The following TSPEAR variants were observed in gnomAD, a reference collection of about 807,000 sequenced individuals.
The protein encoded by TSPEAR is thrombospondin type laminin G domain and EAR repeats.
In TSPEAR, 69 loss-of-function variants were observed where a neutral mutation model predicts 71.6. The ratio of observed to expected loss-of-function variants is 0.96; its 90% confidence interval spans 0.79 to 1.18. The LOEUF (loss-of-function observed/expected upper bound fraction) is 1.18. TSPEAR is among the 50% of genes most tolerant of loss of function. The pLI is 0.00. For missense variants in TSPEAR, 971 were observed against 894.9 expected (o/e 1.09, Z -1.09); for synonymous variants, 402 against 387.2 (o/e 1.04, Z -0.45).
intron 1 of TSPEAR, chr21:44,574,561 A>C: frequency 6.2e-7 from 1 of 1,601,964 alleles, no homozygotes; most frequent in Non-Finnish European, 8.5e-7. Flanking sequence ...CCCTGCCAGC[A>C]GGCTTGCTGT....
intron 1 of TSPEAR, among the ~76,000 whole-genome samples, chr21:44,583,828 A>G (rs1392508799): frequency 6.6e-6 from 1 of 152,196 alleles, no homozygotes; most frequent in Non-Finnish European, 1.5e-5. Flanking sequence ...GCTAATTAAT[A>G]TGTCCATCAC....
intron 1 of TSPEAR, chr21:44,686,257 T>C (rs1986850558): frequency 6.6e-6 from 1 of 152,312 alleles, no homozygotes. Flanking sequence ...GTTCCTGAAC[T>C]GAGTAACCTC....
chr21:44,533,854 G>C lies in TSPEAR; in HGVS notation c.373C>G (p.Pro125Ala), dbSNP rs1343347674. The change falls in exon 3 of 12, where the codon CCT becomes GCT. Residue 125 changes from proline (P) to alanine (A), a missense_variant. By Grantham distance (27) the Pro-to-Ala change is conservative. Coordinates refer to ENST00000323084, the MANE Select transcript of TSPEAR (RefSeq NM_144991.3). Reference protein sequence around the residue: ...DLLLLGLRLSPAQLHFLFLRE... With the variant: ...DLLLLGLRLSAAQLHFLFLRE... The stretch of plus-strand genomic sequence containing the variant: ...AGGAACAGGAAGTGCAGCTGGGCAG[G>C]TGACAACCGCAGGCCGAGCAGCAGC... 3 of 1,612,548 alleles carry C rather than the reference G, an allele frequency of 1.9e-6. No homozygotes were observed. The highest frequency in any genetic ancestry group is 2.5e-6 in the Non-Finnish European group (3 of 1,179,930).
intron 1 of TSPEAR, among the ~76,000 whole-genome samples, chr21:44,704,825 G>A (rs1987832337): frequency 1.0e-5 from 1 of 95,840 alleles, no homozygotes; most frequent in Non-Finnish European, 2.7e-5. Context: ...CCAGTGTCAC[G>A]TCACGGCCCC....
intron 1 of TSPEAR, among the ~76,000 whole-genome samples, chr21:44,585,640 G>A (rs938599864): frequency 6.6e-6 from 1 of 152,032 alleles, no homozygotes; most frequent in South Asian, 2.1e-4. Context: ...TCTGCCTCAG[G>A]GTCTGTTATG....
intron 1 of TSPEAR, chr21:44,627,621 C>T (rs782017394): frequency 6.2e-7 from 1 of 1,613,310 alleles, no homozygotes; most frequent in African/African-American, 1.3e-5. Flanking sequence ...AACCTGTGTG[C>T]TGTGCGCCCA....
intron 1 of TSPEAR, among the ~76,000 whole-genome samples, chr21:44,640,922 G>A (rs186410292): frequency 2.4e-4 from 36 of 152,264 alleles, no homozygotes; most frequent in African/African-American, 8.4e-4. Context: ...ACCAGGAAGG[G>A]TGGGGTTGGC....
At chr21:44,600,542 T>C in intron 1 of TSPEAR, 2 of 1,502,130 alleles carry the variant, frequency 1.3e-6, no homozygotes, top group Non-Finnish European at 1.8e-6. Context: ...CCAACATCCC[T>C]GAGCACCTAA....
rs1327449469 is a variant in TSPEAR at position 44,539,072 on chromosome 21, G to A, written c.304-5149C>T. ...GTGACCCAGAGCAGAGAAGCTGGGA[G>A]GGAGGACAGGGGACCTAGCAGGCAG... On this transcript the variant is annotated intron_variant, in intron 2 of 11. Coordinates refer to ENST00000323084, the MANE Select transcript of TSPEAR (RefSeq NM_144991.3). 4.4e-6 allele frequency: 3 copies of A among 678,410 alleles called. No individual in the cohort carries two copies. The African/African-American group carries it at 5.4e-5, about 12-fold the overall frequency. 42.0% of individuals were successfully genotyped at this position (678,410 alleles called of 1,614,324 possible).
At position 44,623,616 on chromosome 21, in the gene TSPEAR, G is replaced by A. The variant is rs1357042314; in HGVS notation, c.83-55611C>T. ...TTTCTGTAGTGCAGATCCTACTGGTGACACAACCTCTCAGCATCCAGAGAA... is the reference window on the plus strand; with the variant it reads ...TTTCTGTAGTGCAGATCCTACTGGTAACACAACCTCTCAGCATCCAGAGAA... On this transcript the variant is annotated intron_variant, in intron 1 of 11. Coordinates refer to ENST00000323084, the MANE Select transcript of TSPEAR (RefSeq NM_144991.3). The surrounding 1 kb of genome is among the most constrained non-coding windows in gnomAD (Gnocchi z 4.5). 6.6e-6 allele frequency among the ~76,000 whole-genome samples: 1 copy of A among 152,158 alleles called. No homozygotes were observed. Among genetic ancestry groups the A allele is most frequent in the Non-Finnish European group, 1.5e-5 (1 of 68,034 alleles).
intron 1 of TSPEAR, among the ~76,000 whole-genome samples, chr21:44,610,655 G>A (rs1267340418): frequency 6.6e-6 from 1 of 152,182 alleles, no homozygotes; most frequent in Non-Finnish European, 1.5e-5. Context: ...GTGGAGCTGT[G>A]ATAAGAGGGC....
intron 1 of TSPEAR, among the ~76,000 whole-genome samples, chr21:44,708,949 G>A (rs1313830723): frequency 1.3e-5 from 2 of 152,244 alleles, no homozygotes; most frequent in African/African-American, 2.4e-5. Context: ...GGAGAGCCAG[G>A]TAGCTCAGGG....
chr21:44,706,781 C>G (rs1482474888), intron 1 of TSPEAR, among the ~76,000 whole-genome samples: 3 of 152,208 alleles, frequency 2.0e-5, no homozygotes, highest in African/African-American at 7.2e-5. Context: ...AGCTTCTCTT[C>G]TGTTTTTCTT....
chr21:44,511,340 C>T (rs1284650262), intron 9 of TSPEAR, among the ~76,000 whole-genome samples: 3 of 152,116 alleles, frequency 2.0e-5, no homozygotes, highest in Non-Finnish European at 4.4e-5. Flanking sequence ...CATACACACA[C>T]AAACATGCAT....
At chr21:44,660,942 G>C (rs955270481) in intron 1 of TSPEAR, among the ~76,000 whole-genome samples, 10 of 151,766 alleles carry the variant, frequency 6.6e-5, no homozygotes, top group Non-Finnish European at 1.3e-4. Flanking sequence ...ACTCTGTCCT[G>C]GGAACAAAAA....
chr21:44,529,877 C>G lies in TSPEAR; in HGVS notation c.711G>C (p.Leu237=), dbSNP rs139932849. ...PRLCPSRNAP[L]AVLSIPRVLQ... ...GGACCCGTGGGATGGACAGCACCGC[C>G]AGCGGGGCGTTCCTGCTGGGACACA... The change falls in exon 5 of 12, where the codon CTG becomes CTC. Residue 237 remains leucine, a synonymous_variant. Transcript: ENST00000323084. The G allele has an allele frequency of 5.7e-5, 92 of 1,613,610 alleles. No homozygotes were observed. The African/African-American group carries it at 1.1e-3, about 20-fold the overall frequency.
At chr21:44,678,147 G>C in intron 1 of TSPEAR, 1 of 580,464 alleles carries the variant, frequency 1.7e-6, no homozygotes, top group South Asian at 1.9e-5. Context: ...CGAGTAAGTG[G>C]AGGCATGTGT....
At chr21:44,515,739 A>G (rs1168097374) in intron 9 of TSPEAR, 2 of 152,214 alleles carry the variant, frequency 1.3e-5, no homozygotes, top group Non-Finnish European at 1.5e-5. Context: ...CCCGTGACAG[A>G]AGCCCCGTGT....
chr21:44,585,973 G>A (rs1569202330), intron 1 of TSPEAR, among the ~76,000 whole-genome samples: 1 of 152,208 alleles, frequency 6.6e-6, no homozygotes, highest in Non-Finnish European at 1.5e-5. Flanking sequence ...GGGCTCTCAG[G>A]GTGGGGCCTT....
Sources: gnomAD v4.1 joint callset for allele counts (sites outside exome capture counted in the v4.1 genomes callset) on GRCh38, gnomAD v4.1.1 for gene constraint, Gnocchi (gnomAD v3.1) non-coding constraint, MANE v1.5 for transcripts, NCBI Gene and HGNC (gene_info 2026-07-23, HGNC 2026-07-21) for gene names.